TNS3: variants seen among roughly 807,000 people sequenced by gnomAD.
The protein encoded by TNS3 is tensin 3, also known as tensin-3.
Under a neutral mutation model 140.9 loss-of-function variants are expected in TNS3, and 45 were observed. The ratio of observed to expected loss-of-function variants is 0.32; its 90% confidence interval spans 0.25 to 0.41. The LOEUF is 0.41. Ranked by LOEUF, TNS3 falls within the 10% of genes least tolerant of loss-of-function variation. The pLI is 1.00. For synonymous variants in TNS3, 815 were observed against 788.4 expected (o/e 1.03, Z -0.56); for missense variants, 1,716 against 1,906.7 (o/e 0.90, Z 1.86).
chr7:47,439,261 C>T (rs745760375), intron 6 of TNS3, among the ~76,000 whole-genome samples: 3 of 152,216 alleles, frequency 2.0e-5, no homozygotes, highest in East Asian at 1.9e-4. Context: ...GCCATCCCTG[C>T]GGTCAGCAGT....
At chr7:47,497,707 A>C (rs1798065886) in intron 3 of TNS3, among the ~76,000 whole-genome samples, 1 of 143,062 alleles carries the variant, frequency 7.0e-6, no homozygotes, top group Non-Finnish European at 1.6e-5. Context: ...AGAGCAGGAA[A>C]TGTTCACCGC....
intron 1 of TNS3, among the ~76,000 whole-genome samples, chr7:47,567,634 A>G (rs1800457766): frequency 6.7e-6 from 1 of 149,402 alleles, no homozygotes; most frequent in African/African-American, 2.5e-5. Flanking sequence ...CAGTGAGCAG[A>G]GATCATGCCA....
At chr7:47,390,698 G>A (rs1562678301) in intron 16 of TNS3, among the ~76,000 whole-genome samples, 1 of 152,208 alleles carries the variant, frequency 6.6e-6, no homozygotes, top group Non-Finnish European at 1.5e-5. Context: ...TGACAGAGCA[G>A]GCCTTCATCT....
chr7:47,340,092 C>CATATATATATATATAT (rs199944761), intron 20 of TNS3, among the ~76,000 whole-genome samples: 75 of 46,024 alleles, frequency 1.6e-3, no homozygotes, highest in Non-Finnish European at 2.0e-3. Context: ...TGTGCATATA[C>CATATATATATATATAT]ATATATATAT....
intron 3 of TNS3, among the ~76,000 whole-genome samples, chr7:47,491,712 C>A (rs972797013): frequency 3.3e-5 from 5 of 152,206 alleles, no homozygotes; most frequent in African/African-American, 1.2e-4. Flanking sequence ...CATGATAATA[C>A]TTAACCAGGG....
At chr7:47,401,727 G>A (rs939282609) in intron 13 of TNS3, among the ~76,000 whole-genome samples, 19 of 152,350 alleles carry the variant, frequency 1.2e-4, no homozygotes, top group African/African-American at 1.4e-4. Flanking sequence ...TCTTGTGACC[G>A]TGCGCAGCAC....
At chr7:47,430,918 T>C (rs1369061648) in intron 8 of TNS3, among the ~76,000 whole-genome samples, 1 of 151,654 alleles carries the variant, frequency 6.6e-6, no homozygotes, top group Non-Finnish European at 1.5e-5. Flanking sequence ...AGACGGAGTT[T>C]TGCCATGTTG....
chr7:47,567,570 G>A (rs1189666016), intron 1 of TNS3, among the ~76,000 whole-genome samples: 1 of 151,780 alleles, frequency 6.6e-6, no homozygotes, highest in East Asian at 1.9e-4. Flanking sequence ...TGTAGTCTCA[G>A]CTACTTGGGA....
intron 1 of TNS3, among the ~76,000 whole-genome samples, chr7:47,543,466 T>G (rs1043187557): frequency 9.2e-5 from 14 of 152,160 alleles, no homozygotes; most frequent in African/African-American, 3.4e-4. Flanking sequence ...TGAGGGGGCT[T>G]TCGCCCAGGC....
chr7:47,485,402 G>A (rs966105384), intron 3 of TNS3, among the ~76,000 whole-genome samples: 3 of 152,250 alleles, frequency 2.0e-5, no homozygotes, highest in African/African-American at 7.2e-5. Flanking sequence ...GAGAGGGCCA[G>A]CGCCAGCCAC....
At chr7:47,339,265 A>G (rs572858087) in intron 20 of TNS3, among the ~76,000 whole-genome samples, 124 of 152,298 alleles carry the variant, frequency 8.1e-4, no homozygotes, top group Non-Finnish European at 1.6e-3. Flanking sequence ...TCCTAACCTC[A>G]TAACTCTTTG....
chr7:47,369,397 G>C lies in TNS3; in HGVS notation c.1249C>G (p.Leu417Val). The C allele has an allele frequency of 6.2e-7, 1 of 1,614,076 alleles. No homozygotes were observed. The highest frequency in any genetic ancestry group is 8.5e-7 in the Non-Finnish European group (1 of 1,179,978). Residue 417 changes from leucine (L) to valine (V), a missense_variant, in exon 17 of 31, where the codon CTG (leucine) becomes GTG (valine). By Grantham distance (32) the Leu-to-Val change is conservative. Coordinates refer to ENST00000311160, the MANE Select transcript of TNS3 (RefSeq NM_022748.12). ...AACTCTGCCTTCTCCTGGGCACTCA[G>C]GCCCCTCCTGGTTCCTGGGGCCAGG... ...ERLAPGTRRGLSAQEKAELDQ... is the reference protein window; with the variant it reads ...ERLAPGTRRGVSAQEKAELDQ...
chr7:47,438,349 G>C (rs1795293799), intron 6 of TNS3, among the ~76,000 whole-genome samples: 1 of 152,196 alleles, frequency 6.6e-6, no homozygotes, highest in African/African-American at 2.4e-5. Context: ...GGTCTCTTTG[G>C]GGAAGGGGGA....
chr7:47,412,915 A>C (rs1457179962), intron 12 of TNS3, among the ~76,000 whole-genome samples: 2 of 152,196 alleles, frequency 1.3e-5, no homozygotes, highest in Admixed American at 1.3e-4. Context: ...GAGAATGCTC[A>C]TGGGTTATAT....
At chr7:47,392,296 G>A (rs370318286) in intron 16 of TNS3, among the ~76,000 whole-genome samples, 5 of 152,272 alleles carry the variant, frequency 3.3e-5, no homozygotes, top group East Asian at 3.9e-4. Flanking sequence ...ACATTGGAAC[G>A]GATTCAAGGC....
intron 20 of TNS3, among the ~76,000 whole-genome samples, chr7:47,319,032 C>T (rs1584390983): frequency 2.0e-5 from 3 of 152,300 alleles, no homozygotes; most frequent in Admixed American, 2.0e-4. Flanking sequence ...CACAGCCCTT[C>T]TAAGGAAAGG....
chr7:47,457,213 A>ATGTATC (rs1336377789), intron 4 of TNS3, among the ~76,000 whole-genome samples: 1 of 144,674 alleles, frequency 6.9e-6, no homozygotes, highest in Non-Finnish European at 1.5e-5. Context: ...AACCACCTCG[A>ATGTATC]TGTATCCTCT....
rs1034201507 is a variant in TNS3, at chr7:47,280,267, A to G, written c.4166+19T>C. 2.1e-5 allele frequency: 34 copies of G among 1,614,140 alleles called. No homozygotes were observed. Among genetic ancestry groups the G allele is most frequent in the Non-Finnish European group, 2.9e-5 (34 of 1,179,978 alleles). Reference sequence around the variant, plus strand: ...GAATTAAGTACACTCCTTGCTCAATAAAAATGCAAATTTCTTACTTCCTGT... The same window carrying G: ...GAATTAAGTACACTCCTTGCTCAATGAAAATGCAAATTTCTTACTTCCTGT... On this transcript the variant is annotated intron_variant, in intron 29 of 30. Transcript: ENST00000311160.
At chr7:47,510,996 T>G (rs758649300) in intron 2 of TNS3, among the ~76,000 whole-genome samples, 14 of 152,226 alleles carry the variant, frequency 9.2e-5, no homozygotes, top group African/African-American at 3.1e-4. Flanking sequence ...TGTCAACATT[T>G]AGAAGTTCTG....
Sources: gnomAD v4.1 joint callset for allele counts (sites outside exome capture counted in the v4.1 genomes callset) on GRCh38, gnomAD v4.1.1 for gene constraint, MANE v1.5 for transcripts, NCBI Gene and HGNC (gene_info 2026-07-23, HGNC 2026-07-21) for gene names.